Variants in TMOD1 observed in about 807,000 individuals in gnomAD.
The protein encoded by TMOD1 is tropomodulin 1.
Under a neutral mutation model 40.6 loss-of-function variants are expected in TMOD1, and 17 were observed. The ratio of observed to expected loss-of-function variants is 0.42; its 90% CI spans 0.29 to 0.63. The LOEUF (loss-of-function observed/expected upper bound fraction) is 0.63. TMOD1 is among the 20% of genes least tolerant of loss of function. The probability of loss-of-function intolerance (pLI) is 0.22; values close to 1 mark genes in which losing one functional copy is unlikely to be tolerated. For missense variants in TMOD1, 391 were observed against 447.6 expected, an observed-to-expected ratio of 0.87 and a Z score of 1.14; for synonymous variants, 181 against 175.0, an observed-to-expected ratio of 1.03 and a Z score of -0.27.
chr9:97,512,786 A>C (rs1432612284), intron 1 of TMOD1: 1 of 151,782 alleles, frequency 6.6e-6, no homozygotes, highest in African/African-American at 2.4e-5. Context: ...ATAAATAGTT[A>C]CTTTTGAGGG....
intron 9 of TMOD1, among the ~76,000 whole-genome samples, chr9:97,598,813 T>C (rs1267934267): frequency 6.6e-6 from 1 of 152,112 alleles, no homozygotes; most frequent in Non-Finnish European, 1.5e-5. Flanking sequence ...GACGGACTTT[T>C]TTTCCCTCCA....
intron 9 of TMOD1, among the ~76,000 whole-genome samples, chr9:97,598,098 C>A (rs571900617): frequency 6.6e-6 from 1 of 152,078 alleles, no homozygotes; most frequent in South Asian, 2.1e-4. Context: ...GAGGCTGAGG[C>A]GTGGGGGATC....
intron 1 of TMOD1, among the ~76,000 whole-genome samples, chr9:97,510,867 T>C (rs1829685110): frequency 6.6e-6 from 1 of 152,022 alleles, no homozygotes; most frequent in South Asian, 2.1e-4. Context: ...GAGAGCTAAG[T>C]GTGGCCTGAA....
rs1232311140 is a variant in TMOD1 at position 97,597,985 on chromosome 9, CTCAAGTCT to C, written c.1016-1648_1016-1641del. 2.0e-5 allele frequency among the ~76,000 whole-genome samples: 3 copies of C among 152,148 alleles called. No homozygotes were observed. In the East Asian group the frequency reaches 5.8e-4, roughly 30 times the overall value. ...ATATGGAAACCCTACCCACACAAGG[CTCAAGTCT>C]ACTGAGGGAGGCACTGGACTGAGGC... On this transcript the variant is annotated intron_variant, in intron 9 of 9. Transcript: ENST00000259365.
At chr9:97,566,440 A>G (rs1830729091) in intron 7 of TMOD1, among the ~76,000 whole-genome samples, 1 of 152,024 alleles carries the variant, frequency 6.6e-6, no homozygotes, top group Admixed American at 6.5e-5. Flanking sequence ...GGAGGTCAAG[A>G]CGGGTGGATC....
At chr9:97,556,424 C>T (rs1830538133) in intron 4 of TMOD1, among the ~76,000 whole-genome samples, 1 of 152,066 alleles carries the variant, frequency 6.6e-6, no homozygotes, top group Non-Finnish European at 1.5e-5. Flanking sequence ...GTGGTTGGAG[C>T]CTTTTTCACA....
chr9:97,565,413 A>T (rs925062299), intron 6 of TMOD1, among the ~76,000 whole-genome samples: 1 of 152,090 alleles, frequency 6.6e-6, no homozygotes, highest in African/African-American at 2.4e-5. Flanking sequence ...AAAGAGTATC[A>T]TATGCAACCC....
At chr9:97,535,960 T>C (rs2401596) in intron 2 of TMOD1, among the ~76,000 whole-genome samples, 1 of 152,080 alleles carries the variant, frequency 6.6e-6, no homozygotes, top group Non-Finnish European at 1.5e-5. Flanking sequence ...AGAGGCTGTG[T>C]CTGGAGGGGG....
chr9:97,534,375 G>A (rs75762574), intron 2 of TMOD1, among the ~76,000 whole-genome samples: 8 of 152,304 alleles, frequency 5.3e-5, no homozygotes, highest in South Asian at 4.1e-4. Context: ...ACCAAATCCA[G>A]GCCCTCAAAG....
At position 97,547,251 on chromosome 9, in the gene TMOD1, C is replaced by A. The variant is rs543447256; in HGVS notation, c.277+910C>A. ...CCCCTCATCCCATTGTTCCACAGGCCTCCTTCTGCTGTTCTCAAACTTTCC... is the reference window on the plus strand; with the variant it reads ...CCCCTCATCCCATTGTTCCACAGGCATCCTTCTGCTGTTCTCAAACTTTCC... On this transcript the variant is annotated intron_variant, in intron 3 of 9. Coordinates refer to ENST00000259365, the MANE Select transcript of TMOD1 (RefSeq NM_003275.4). 6.6e-5 allele frequency among the ~76,000 whole-genome samples: 10 copies of A among 152,014 alleles called. No individual in the cohort carries two copies. The South Asian group carries it at 2.1e-3, about 32-fold the overall frequency.
chr9:97,562,585 G>C (rs939371565), intron 4 of TMOD1, 147 bp from the exon 5 acceptor site: 2 of 587,516 alleles, frequency 3.4e-6, no homozygotes, highest in African/African-American at 3.9e-5. Flanking sequence ...AGAGGTGAGA[G>C]TAAAAGTAAA....
chr9:97,596,195 C>T (rs1826106069), intron 9 of TMOD1, among the ~76,000 whole-genome samples: 1 of 152,188 alleles, frequency 6.6e-6, no homozygotes, highest in Admixed American at 6.5e-5. Context: ...CTTGCCAATC[C>T]CAGTGTCCTG....
Position 97,518,523 on chromosome 9 carries a change from C to T in TMOD1, c.-48-5618C>T, listed in dbSNP as rs375500555. Among the ~76,000 whole-genome samples the T allele has an allele frequency of 7.2e-5, 11 of 152,258 alleles. No homozygotes were observed. The East Asian group carries it at 1.2e-3, about 16-fold the overall frequency. ...AGAAATGAATGAGCTAAGAACTCCTCTTTTACCCAACTCCTCTTTTTGGTT... is the reference window on the plus strand; with the variant it reads ...AGAAATGAATGAGCTAAGAACTCCTTTTTTACCCAACTCCTCTTTTTGGTT... On this transcript the variant is annotated intron_variant, in intron 1 of 9. Coordinates refer to ENST00000259365, the MANE Select transcript of TMOD1 (RefSeq NM_003275.4).
intron 8 of TMOD1, among the ~76,000 whole-genome samples, chr9:97,574,104 C>T (rs191038187): frequency 9.2e-5 from 14 of 152,332 alleles, no homozygotes; most frequent in Non-Finnish European, 1.3e-4. Context: ...TCAGCCTTGG[C>T]GCCCACTCTG....
chr9:97,559,790 AAAAAATATATATATATATAT>A (rs1830596114), intron 4 of TMOD1, among the ~76,000 whole-genome samples: 1 of 44,076 alleles, frequency 2.3e-5, no homozygotes, highest in Non-Finnish European at 3.8e-5. Flanking sequence ...AAAAAAAAAA[AAAAAATATATATATATATAT>A]ATATATATAT....
rs1348027243 is a variant in TMOD1 at position 97,600,103 on chromosome 9, C to CTT, written c.*407_*408dup. 42 of 1,007,950 alleles carry CTT rather than the reference C, an allele frequency of 4.2e-5. No individual in the cohort carries two copies. The highest frequency in any genetic ancestry group is 4.8e-5 in the Non-Finnish European group (40 of 841,668). 62.4% of individuals were successfully genotyped at this position (1,007,950 alleles called of 1,614,324 possible). ...CATGCTTTTGAAGTATTATAAAACACTTTATTACAAATTTGTCTTAGCTAT... is the reference window on the plus strand; with the variant it reads ...CATGCTTTTGAAGTATTATAAAACACTTTTTATTACAAATTTGTCTTAGCTAT... On this transcript the variant is annotated 3_prime_UTR_variant, in exon 10 of 10. Coordinates refer to ENST00000259365, the MANE Select transcript of TMOD1 (RefSeq NM_003275.4).
intron 8 of TMOD1, among the ~76,000 whole-genome samples, chr9:97,574,601 C>A (rs375682994): frequency 6.6e-6 from 1 of 152,256 alleles, no homozygotes; most frequent in Non-Finnish European, 1.5e-5. Context: ...CCTGCGGCCC[C>A]GGTGCAGGAT....
chr9:97,565,783 C>T (rs983732867), intron 6 of TMOD1, 65 bp from the exon 7 acceptor site: 2 of 1,317,634 alleles, frequency 1.5e-6, no homozygotes, highest in Non-Finnish European at 2.2e-6. Context: ...CAGGCTAATC[C>T]ACCTGCCTCA....
chr9:97,592,861 A>G (rs963379860), intron 9 of TMOD1, among the ~76,000 whole-genome samples: 8 of 152,138 alleles, frequency 5.3e-5, no homozygotes, highest in African/African-American at 9.7e-5. Context: ...AAATGCCACT[A>G]TTTTCTAGAG....
Sources: allele counts gnomAD v4.1 joint callset (sites outside exome capture counted in the v4.1 genomes callset), GRCh38; gene constraint gnomAD v4.1.1; transcripts MANE v1.5; gene names NCBI Gene and HGNC (gene_info 2026-07-23, HGNC 2026-07-21).